Variants in MIPOL1 observed in about 807,000 individuals in gnomAD.
MIPOL1 encodes the protein mirror-image polydactyly 1.
MIPOL1 carries 57 observed loss-of-function variants against 60.9 expected under a neutral mutation model. That is an observed-to-expected ratio of 0.94 (90% confidence interval 0.76 to 1.17). MIPOL1 has a LOEUF of 1.17. MIPOL1 is among the 50% of genes most tolerant of loss of function. MIPOL1 has a pLI of 0.00. For missense variants in MIPOL1, 551 were observed against 511.6 expected, an observed-to-expected ratio of 1.08 and a Z score of -0.74; for synonymous variants, 179 against 168.8, an observed-to-expected ratio of 1.06 and a Z score of -0.47.
Position 37,268,644 on chromosome 14 carries a change from TTTC to T in MIPOL1, c.252-11_252-9del. 1 of 1,561,628 alleles carries T rather than the reference TTTC, an allele frequency of 6.4e-7. No homozygotes were observed. The highest frequency in any genetic ancestry group is 1.2e-5 in the South Asian group (1 of 82,704). On this transcript the variant is annotated splice_polypyrimidine_tract_variant and intron_variant, in intron 4 of 12. Coordinates refer to ENST00000684589, the MANE Select transcript of MIPOL1 (RefSeq NM_001388067.1). ...TATCTTACTCTGAAATGTTAATCAG[TTTC>T]TTTATTACAGCGTTATGGAACATAG...
intron 11 of MIPOL1, among the ~76,000 whole-genome samples, chr14:37,486,381 G>C (rs1594656445): frequency 6.6e-6 from 1 of 152,134 alleles, no homozygotes; most frequent in Admixed American, 6.5e-5. Flanking sequence ...AAAGTCAATG[G>C]TAGCTTGATA....
At chr14:37,513,262 G>A (rs1302462389) in intron 12 of MIPOL1, among the ~76,000 whole-genome samples, 1 of 151,974 alleles carries the variant, frequency 6.6e-6, no homozygotes, top group Non-Finnish European at 1.5e-5. Flanking sequence ...TGTTAAACAA[G>A]CATTTCATTA....
intron 9 of MIPOL1, among the ~76,000 whole-genome samples, chr14:37,351,047 A>AT (rs1285982190): frequency 9.8e-5 from 4 of 40,686 alleles, no homozygotes; most frequent in African/African-American, 2.5e-4. Context: ...TCCCAATGCT[A>AT]TCCCTCCCCC....
chr14:37,446,267 A>G (rs2094333253), intron 11 of MIPOL1, among the ~76,000 whole-genome samples: 1 of 152,242 alleles, frequency 6.6e-6, no homozygotes, highest in African/African-American at 2.4e-5. Context: ...GGCGAAGGAT[A>G]TGAACAGACA....
rs2095554493 is a variant in MIPOL1, at chr14:37,548,760, G to C, written c.*1789G>C. ...TGTTGAAAGCAGATGAACTTTTCTT[G>C]AGTTATTTTGTCTTTTAGAATACAC... is the stretch of plus-strand genomic sequence containing the variant. On this transcript the variant is annotated 3_prime_UTR_variant, in exon 13 of 13. Transcript: ENST00000684589. 6.6e-6 allele frequency: 1 copy of C among 151,894 alleles called. No homozygotes were observed. The highest frequency in any genetic ancestry group is 6.6e-5 in the Admixed American group (1 of 15,250). 9.4% of individuals were successfully genotyped at this position (151,894 alleles called of 1,614,324 possible).
intron 3 of MIPOL1, among the ~76,000 whole-genome samples, chr14:37,257,095 T>TTG (rs61079220): frequency 0.4 from 54,641 of 137,528 alleles, 10,477 homozygotes; most frequent in Non-Finnish European, 0.44. Flanking sequence ...TGGTTTTGTT[T>TTG]TGTGTGTGTG....
intron 12 of MIPOL1, among the ~76,000 whole-genome samples, chr14:37,525,326 A>C (rs779358277): frequency 3.9e-5 from 6 of 152,176 alleles, no homozygotes; most frequent in Non-Finnish European, 4.4e-5. Flanking sequence ...CTTAGAAAGG[A>C]CATCTTTCTC....
At chr14:37,245,457 C>T (rs17554224) in intron 1 of MIPOL1, among the ~76,000 whole-genome samples, 32,199 of 152,046 alleles carry the variant, frequency 0.21, 3,834 homozygotes, top group South Asian at 0.32. Context: ...AAAAATAAGA[C>T]TGTGACATCA....
In MIPOL1 at chr14:37,321,832, T is replaced by C. The variant is rs191227965; in HGVS notation, c.828+13313T>C. Among the ~76,000 whole-genome samples, 5 of 152,130 alleles carry C rather than the reference T, an allele frequency of 3.3e-5. No homozygotes were observed. In the East Asian group the frequency reaches 9.7e-4, roughly 29 times the overall value. Reference sequence around the variant, plus strand: ...TCATTATGAAATGCCCACTTTTATTTCTGGTAATACTTTTTGCCTTAATGT... The same window carrying C: ...TCATTATGAAATGCCCACTTTTATTCCTGGTAATACTTTTTGCCTTAATGT... On this transcript the variant is annotated intron_variant, in intron 9 of 12. Coordinates refer to ENST00000684589, the MANE Select transcript of MIPOL1 (RefSeq NM_001388067.1).
intron 6 of MIPOL1, among the ~76,000 whole-genome samples, chr14:37,270,867 A>C (rs921459885): frequency 6.6e-6 from 1 of 152,062 alleles, no homozygotes; most frequent in African/African-American, 2.4e-5. Flanking sequence ...CAGCAGTTCA[A>C]ATACCACTTA....
chr14:37,213,938 CA>C (rs57869310), intron 1 of MIPOL1, among the ~76,000 whole-genome samples: 2 of 151,116 alleles, frequency 1.3e-5, no homozygotes, highest in East Asian at 1.9e-4. Flanking sequence ...TGCTGGAGGG[CA>C]AAAAAAACAT....
At chr14:37,402,869 C>T (rs915012299) in intron 10 of MIPOL1, among the ~76,000 whole-genome samples, 1 of 152,096 alleles carries the variant, frequency 6.6e-6, no homozygotes, top group Non-Finnish European at 1.5e-5. Flanking sequence ...TTTAGGTCAC[C>T]TAGGATCTAA....
intron 12 of MIPOL1, chr14:37,501,546 TA>T (rs1402533406): frequency 6.6e-6 from 1 of 152,184 alleles, no homozygotes; most frequent in Admixed American, 6.5e-5. Context: ...TCATTTCATT[TA>T]AAAAAACAAT....
At chr14:37,431,846 A>G (rs2094076212) in intron 11 of MIPOL1, among the ~76,000 whole-genome samples, 1 of 151,426 alleles carries the variant, frequency 6.6e-6, no homozygotes, top group African/African-American at 2.4e-5. Flanking sequence ...CAGCCTCCCA[A>G]AGTGCTGGGA....
At position 37,517,781 on chromosome 14, in the gene MIPOL1, C is replaced by G. The variant is rs112815946; in HGVS notation, c.1262+17643C>G. Among the ~76,000 whole-genome samples, 1,288 of 152,172 alleles carry G rather than the reference C, an allele frequency of 8.5e-3. 20 individuals are homozygous for G. Among genetic ancestry groups the G allele is most frequent in the African/African-American group, 0.028 (1,183 of 41,516 alleles). ...AAAAAAATCAAGTGCTTCTCATATA[C>G]TGCCTTTTGTGTGAGAAATAAGAAT... On this transcript the variant is annotated intron_variant, in intron 12 of 12. Coordinates refer to ENST00000684589, the MANE Select transcript of MIPOL1 (RefSeq NM_001388067.1).
intron 1 of MIPOL1, among the ~76,000 whole-genome samples, chr14:37,225,032 T>G (rs1236055256): frequency 6.6e-6 from 1 of 152,180 alleles, no homozygotes; most frequent in Non-Finnish European, 1.5e-5. Context: ...CAGAATGATC[T>G]CCTTTGACTC....
intron 3 of MIPOL1, among the ~76,000 whole-genome samples, chr14:37,257,095 T>TTTTGTGTGTG (rs1555371897): frequency 7.3e-6 from 1 of 137,708 alleles, no homozygotes; most frequent in South Asian, 2.5e-4. Flanking sequence ...TGGTTTTGTT[T>TTTTGTGTGTG]TGTGTGTGTG....
chr14:37,432,202 G>T (rs1253954019), intron 11 of MIPOL1, among the ~76,000 whole-genome samples: 1 of 152,114 alleles, frequency 6.6e-6, no homozygotes, highest in Non-Finnish European at 1.5e-5. Context: ...TTGTCCGTTA[G>T]AAGTGATCTC....
At chr14:37,312,047 A>G (rs2087386964) in intron 9 of MIPOL1, among the ~76,000 whole-genome samples, 2 of 147,154 alleles carry the variant, frequency 1.4e-5, no homozygotes, top group South Asian at 4.4e-4. Context: ...TCATGATTAA[A>G]GTGAGATTTT....
Sources: gnomAD v4.1 joint callset for allele counts (sites outside exome capture counted in the v4.1 genomes callset) on GRCh38, gnomAD v4.1.1 for gene constraint, MANE v1.5 for transcripts, NCBI Gene and HGNC (gene_info 2026-07-23, HGNC 2026-07-21) for gene names.